The following LPAR1 variants were observed in gnomAD, a reference collection of about 807,000 sequenced individuals.
LPAR1 encodes lysophosphatidic acid receptor 1, also known as LPA receptor 1.
A neutral mutation model predicts 23.8 loss-of-function variants in LPAR1; 5 were observed. That is an observed-to-expected ratio of 0.21 (90% CI 0.11 to 0.44). The LOEUF (loss-of-function observed/expected upper bound fraction) is 0.44. LPAR1 is among the 20% of genes least tolerant of loss of function. The pLI is 0.99. For missense variants in LPAR1, 311 were observed against 482.8 expected (o/e 0.64, Z 3.33); for synonymous variants, 160 against 164.7 (o/e 0.97, Z 0.22).
intron 4 of LPAR1, among the ~76,000 whole-genome samples, chr9:110,946,920 T>C (rs1430761658): frequency 6.6e-6 from 1 of 152,188 alleles, no homozygotes; most frequent in Non-Finnish European, 1.5e-5. Flanking sequence ...ATATTAATTT[T>C]CTCTTATTAC....
intron 5 of LPAR1, among the ~76,000 whole-genome samples, chr9:110,893,068 T>C (rs2085069086): frequency 6.6e-6 from 1 of 152,158 alleles, no homozygotes; most frequent in South Asian, 2.1e-4. Flanking sequence ...TTAAAAAGAA[T>C]AGGTAGCACA....
At chr9:110,936,904 G>T (rs914758336) in intron 5 of LPAR1, among the ~76,000 whole-genome samples, 5 of 152,166 alleles carry the variant, frequency 3.3e-5, no homozygotes, top group African/African-American at 1.2e-4. Flanking sequence ...ACATGCCATG[G>T]TCAAATAAGG....
intron 2 of LPAR1, among the ~76,000 whole-genome samples, chr9:111,024,462 A>G (rs2097644003): frequency 6.8e-6 from 1 of 147,332 alleles, no homozygotes; most frequent in South Asian, 2.1e-4. Context: ...TTATATATAC[A>G]TAATTATATA....
chr9:111,026,097 G>C (rs1032449283), intron 2 of LPAR1, among the ~76,000 whole-genome samples: 2 of 152,092 alleles, frequency 1.3e-5, no homozygotes, highest in Non-Finnish European at 2.9e-5. Context: ...GAATAGCATT[G>C]AATCTATAAA....
intron 5 of LPAR1, among the ~76,000 whole-genome samples, chr9:110,935,793 C>T (rs2094668303): frequency 1.3e-5 from 2 of 152,224 alleles, no homozygotes; most frequent in African/African-American, 2.4e-5. Context: ...TATGTGAGGA[C>T]TCTGCCTATA....
chr9:110,978,614 G>A (rs1487261873), intron 2 of LPAR1, among the ~76,000 whole-genome samples: 4 of 152,144 alleles, frequency 2.6e-5, no homozygotes, highest in African/African-American at 7.2e-5. Flanking sequence ...GCCCAAACCT[G>A]GAGGAACAAG....
intron 5 of LPAR1, among the ~76,000 whole-genome samples, chr9:110,914,519 T>A (rs1353671761): frequency 6.6e-6 from 1 of 152,174 alleles, no homozygotes; most frequent in Non-Finnish European, 1.5e-5. Context: ...CCACAACACA[T>A]GGGAATTATA....
chr9:110,961,349 G>T (rs374394442), intron 4 of LPAR1, among the ~76,000 whole-genome samples: 1 of 151,526 alleles, frequency 6.6e-6, no homozygotes, highest in Non-Finnish European at 1.5e-5. Context: ...GGCCAGGCAC[G>T]GTGGCTCACA....
intron 5 of LPAR1, among the ~76,000 whole-genome samples, chr9:110,904,898 T>C (rs968231544): frequency 1.3e-5 from 2 of 152,184 alleles, no homozygotes; most frequent in Non-Finnish European, 2.9e-5. Context: ...AAAGAGGATA[T>C]TGTATGACAC....
intron 2 of LPAR1, among the ~76,000 whole-genome samples, chr9:111,032,219 CG>C (rs1387255467): frequency 6.6e-6 from 1 of 152,152 alleles, no homozygotes; most frequent in Non-Finnish European, 1.5e-5. Flanking sequence ...CCAGGAGTAG[CG>C]AAACTGGAGA....
At position 110,894,439 on chromosome 9, in the gene LPAR1, G is replaced by A. The variant is rs16915529; in HGVS notation, c.794-18717C>T. On this transcript the variant is annotated intron_variant, in intron 5 of 5. Coordinates refer to ENST00000683809, the MANE Select transcript of LPAR1 (RefSeq NM_001351411.2). The stretch of plus-strand genomic sequence containing the variant: ...GAATGAGACACTGCAAATGGAATAC[G>A]AAGCACAGGGCCACCTAATGGGTTC... 2.6e-3 allele frequency among the ~76,000 whole-genome samples: 399 copies of A among 152,300 alleles called. 3 individuals are homozygous for A. The highest frequency in any genetic ancestry group is 8.9e-3 in the African/African-American group (370 of 41,562).
intron 2 of LPAR1, among the ~76,000 whole-genome samples, chr9:110,986,953 T>C (rs2096794885): frequency 6.6e-6 from 1 of 151,366 alleles, no homozygotes; most frequent in Non-Finnish European, 1.5e-5. Flanking sequence ...TGTGTTTGTA[T>C]ACAAAGTAGG....
At chr9:110,938,145 AAAAC>A (rs1207213881) in intron 5 of LPAR1, among the ~76,000 whole-genome samples, 6 of 152,210 alleles carry the variant, frequency 3.9e-5, no homozygotes, top group Admixed American at 6.5e-5. Flanking sequence ...CAACGTGGAG[AAAAC>A]AAACAATCAT....
chr9:110,970,269 A>T (rs1357808187), intron 4 of LPAR1, among the ~76,000 whole-genome samples: 1 of 152,208 alleles, frequency 6.6e-6, no homozygotes, highest in East Asian at 1.9e-4. Context: ...ACTTCACGAA[A>T]GGACTAAGAA....
At chr9:110,987,703 CATACCTGTG>C (rs1437969362) in intron 2 of LPAR1, among the ~76,000 whole-genome samples, 17 of 151,318 alleles carry the variant, frequency 1.1e-4, no homozygotes, top group Non-Finnish European at 2.2e-4. Context: ...GTTGGCCCTC[CATACCTGTG>C]GGGTTCGCAT....
At chr9:110,998,649 T>C (rs2097067920) in intron 2 of LPAR1, among the ~76,000 whole-genome samples, 1 of 152,228 alleles carries the variant, frequency 6.6e-6, no homozygotes, top group South Asian at 2.1e-4. Flanking sequence ...TATGACTTGA[T>C]CTGTAGCATA....
chr9:111,013,996 T>C (rs1648934780), intron 2 of LPAR1, among the ~76,000 whole-genome samples: 1 of 152,172 alleles, frequency 6.6e-6, no homozygotes, highest in South Asian at 2.1e-4. Context: ...CTCATACACA[T>C]TATTTCAGCC....
chr9:110,945,254 G>T (rs1014943083), intron 4 of LPAR1: 3 of 152,138 alleles, frequency 2.0e-5, no homozygotes, highest in Non-Finnish European at 4.4e-5. Context: ...ATGGTTCAGA[G>T]AGAATCCAAT....
At chr9:110,955,872 C>T (rs1034542607) in intron 4 of LPAR1, among the ~76,000 whole-genome samples, 2 of 151,756 alleles carry the variant, frequency 1.3e-5, no homozygotes, top group African/African-American at 4.8e-5. Context: ...TGAAACACAA[C>T]ATACCAAAAC....
Sources: allele counts gnomAD v4.1 joint callset (sites outside exome capture counted in the v4.1 genomes callset), GRCh38; gene constraint gnomAD v4.1.1; transcripts MANE v1.5; gene names NCBI Gene and HGNC (gene_info 2026-07-23, HGNC 2026-07-21).